ERBB4: variants seen among roughly 807,000 people sequenced by gnomAD.
ERBB4 encodes receptor tyrosine-protein kinase erbB-4.
ERBB4 carries 42 observed loss-of-function variants against 158.0 expected under a neutral mutation model. That is an observed-to-expected ratio of 0.27 (90% CI 0.21 to 0.34). ERBB4 has a LOEUF of 0.34. Ranked by LOEUF, ERBB4 falls within the 10% of genes least tolerant of loss-of-function variation. The pLI, the probability that ERBB4 is intolerant of heterozygous loss-of-function variation, is 1.00. For missense variants in ERBB4, 1,333 were observed against 1,624.1 expected (o/e 0.82, Z 3.08); for synonymous variants, 583 against 558.7 (o/e 1.04, Z -0.61).
In ERBB4 at chr2:211,379,077, A is replaced by G. The variant is rs2062530570; in HGVS notation, c.*4538T>C. The G allele has an allele frequency of 4.3e-6, 1 of 231,464 alleles. No individual in the cohort carries two copies. Among genetic ancestry groups the G allele is most frequent in the Non-Finnish European group, 8.5e-6 (1 of 117,058 alleles). The allele number at this position is 231,464 out of a possible 1,614,324, so 14.3% of individuals were successfully genotyped here. Reference sequence around the variant, plus strand: ...AAGTCCAAAAGAATGGCAATGCAATAGTTTGAAACGCTTGGTTTAGCATTT... The same window carrying G: ...AAGTCCAAAAGAATGGCAATGCAATGGTTTGAAACGCTTGGTTTAGCATTT... On this transcript the variant is annotated 3_prime_UTR_variant, in exon 28 of 28. Transcript: ENST00000342788.
At chr2:212,414,597 T>C (rs1321020951) in intron 1 of ERBB4, among the ~76,000 whole-genome samples, 1 of 152,198 alleles carries the variant, frequency 6.6e-6, no homozygotes, top group Non-Finnish European at 1.5e-5. Flanking sequence ...ATTGATAAAT[T>C]GGACCCTTAA....
intron 1 of ERBB4, among the ~76,000 whole-genome samples, chr2:212,413,211 C>T (rs1285516152): frequency 4.2e-5 from 6 of 142,672 alleles, no homozygotes; most frequent in Non-Finnish European, 6.0e-5. Context: ...TGGTCTCGAA[C>T]TCCTGACCTC....
intron 14 of ERBB4, among the ~76,000 whole-genome samples, chr2:211,666,950 T>C (rs1476993404): frequency 6.6e-6 from 1 of 152,156 alleles, no homozygotes; most frequent in East Asian, 1.9e-4. Flanking sequence ...GAACTAGATA[T>C]TAGGTAGGGA....
At chr2:211,598,776 T>C (rs1288956880) in intron 19 of ERBB4, among the ~76,000 whole-genome samples, 1 of 152,234 alleles carries the variant, frequency 6.6e-6, no homozygotes, top group African/African-American at 2.4e-5. Flanking sequence ...CATATATACA[T>C]GTACACCATG....
intron 3 of ERBB4, among the ~76,000 whole-genome samples, chr2:211,890,430 G>C (rs1329160293): frequency 6.6e-6 from 1 of 151,182 alleles, no homozygotes. Flanking sequence ...AGGAACAACT[G>C]GTACCAGCCG....
chr2:212,516,768 T>A (rs1217036920), intron 1 of ERBB4, among the ~76,000 whole-genome samples: 3 of 152,132 alleles, frequency 2.0e-5, no homozygotes, highest in African/African-American at 7.2e-5. Flanking sequence ...TGACGTCCCA[T>A]ATAGATTCAA....
chr2:212,034,090 T>G (rs1575543914), intron 2 of ERBB4, among the ~76,000 whole-genome samples: 1 of 152,060 alleles, frequency 6.6e-6, no homozygotes, highest in African/African-American at 2.4e-5. Flanking sequence ...TGAGCAAGTC[T>G]GAAGATAGTA....
chr2:212,474,822 C>CCTTTTTTTTTTTTTTTTTTT (rs1689295723), intron 1 of ERBB4, among the ~76,000 whole-genome samples: 13 of 94,412 alleles, frequency 1.4e-4, no homozygotes, highest in African/African-American at 7.3e-4. Context: ...CCCGGCCATT[C>CCTTTTTTTTTTTTTTTTTTT]TTTTTTTTTT....
chr2:212,162,653 A>G (rs1559628257), intron 1 of ERBB4, among the ~76,000 whole-genome samples: 1 of 151,918 alleles, frequency 6.6e-6, no homozygotes, highest in African/African-American at 2.4e-5. Flanking sequence ...GATTTCTGCA[A>G]TTCATGTTTT....
intron 2 of ERBB4, among the ~76,000 whole-genome samples, chr2:212,008,790 T>C (rs2076314180): frequency 6.6e-6 from 1 of 152,154 alleles, no homozygotes; most frequent in South Asian, 2.1e-4. Flanking sequence ...AATCTTTTCC[T>C]AAGAGAAAAT....
rs560668914 is a variant in ERBB4, at chr2:211,512,694, C to T, written c.2487+49209G>A. 1.5e-4 allele frequency among the ~76,000 whole-genome samples: 23 copies of T among 152,136 alleles called. 1 individual carries two copies. The East Asian group carries it at 4.4e-3, about 29-fold the overall frequency. On this transcript the variant is annotated intron_variant, in intron 20 of 27. Coordinates refer to ENST00000342788, the MANE Select transcript of ERBB4 (RefSeq NM_005235.3). ...TCTATGTCTTTAAATTTTTACAAAA[C>T]AGTTAAACTCAAAGTACAATTCTTT...
chr2:211,641,291 G>T (rs1325581638), intron 16 of ERBB4, among the ~76,000 whole-genome samples: 1 of 151,990 alleles, frequency 6.6e-6, no homozygotes, highest in African/African-American at 2.4e-5. Context: ...TTGTTTTGCT[G>T]ATAGACTATA....
intron 3 of ERBB4, among the ~76,000 whole-genome samples, chr2:211,933,627 C>G (rs2080235042): frequency 6.6e-6 from 1 of 151,880 alleles, no homozygotes; most frequent in African/African-American, 2.4e-5. Flanking sequence ...CTTCCTCTTT[C>G]TAGTATCTTG....
intron 1 of ERBB4, among the ~76,000 whole-genome samples, chr2:212,181,599 TCTG>T (rs2081866886): frequency 6.6e-6 from 1 of 151,786 alleles, no homozygotes; most frequent in African/African-American, 2.4e-5. Context: ...GCAGAAATCT[TCTG>T]CTTTTACTGC....
chr2:211,627,824 C>G (rs2069921415), intron 17 of ERBB4, among the ~76,000 whole-genome samples: 1 of 152,154 alleles, frequency 6.6e-6, no homozygotes. Context: ...ATTGTTTCTT[C>G]CCTGTATCCT....
At chr2:211,559,990 T>C (rs902312113) in intron 20 of ERBB4, among the ~76,000 whole-genome samples, 11 of 152,138 alleles carry the variant, frequency 7.2e-5, no homozygotes, top group Non-Finnish European at 1.5e-4. Flanking sequence ...AAAGACTCCA[T>C]AAATGGAGGA....
At chr2:211,399,054 A>G (rs899017045) in intron 25 of ERBB4, among the ~76,000 whole-genome samples, 3 of 152,118 alleles carry the variant, frequency 2.0e-5, no homozygotes, top group African/African-American at 7.2e-5. Context: ...AGTTCTAATT[A>G]CTTCCTCAAT....
intron 19 of ERBB4, among the ~76,000 whole-genome samples, chr2:211,575,058 G>T (rs2067849061): frequency 6.6e-6 from 1 of 152,142 alleles, no homozygotes; most frequent in Non-Finnish European, 1.5e-5. Context: ...TAAACCATTT[G>T]CCATGATTCT....
chr2:211,546,483 C>A (rs1404072491), intron 20 of ERBB4, among the ~76,000 whole-genome samples: 5 of 152,072 alleles, frequency 3.3e-5, no homozygotes, highest in Non-Finnish European at 7.4e-5. Context: ...CACTTTCAGC[C>A]TGTATTCATT....
Sources: allele counts gnomAD v4.1 joint callset (sites outside exome capture counted in the v4.1 genomes callset), GRCh38; gene constraint gnomAD v4.1.1; transcripts MANE v1.5; gene names NCBI Gene and HGNC (gene_info 2026-07-23, HGNC 2026-07-21).